Variants in C8orf34 observed in about 807,000 individuals in gnomAD.
The protein encoded by C8orf34 is uncharacterized protein C8orf34.
Under a neutral mutation model 68.3 loss-of-function variants are expected in C8orf34, and 65 were observed. The observed-to-expected ratio is 0.95, with a 90% CI of 0.78 to 1.17. The LOEUF (loss-of-function observed/expected upper bound fraction) is 1.17. Ranked by LOEUF, C8orf34 falls within the 50% of genes most tolerant of loss-of-function variation. C8orf34 has a pLI of 0.00. For missense variants in C8orf34, 664 were observed against 655.4 expected, an observed-to-expected ratio of 1.01 and a Z score of -0.14; for synonymous variants, 244 against 241.2, an observed-to-expected ratio of 1.01 and a Z score of -0.11.
chr8:68,479,003 A>G (rs1414562745), intron 4 of C8orf34, among the ~76,000 whole-genome samples: 5 of 152,140 alleles, frequency 3.3e-5, no homozygotes, highest in Non-Finnish European at 7.4e-5. Context: ...CTGGGGGCTT[A>G]TTTTATTTTT....
At chr8:68,697,967 C>A (rs1192353124) in intron 8 of C8orf34, among the ~76,000 whole-genome samples, 1 of 152,056 alleles carries the variant, frequency 6.6e-6, no homozygotes, top group Non-Finnish European at 1.5e-5. Context: ...ACGGGAATCT[C>A]AGATTTTTCC....
intron 7 of C8orf34, among the ~76,000 whole-genome samples, chr8:68,619,337 T>G (rs926150560): frequency 5.9e-5 from 9 of 152,010 alleles, no homozygotes; most frequent in Non-Finnish European, 1.0e-4. Context: ...TAAATAAAAA[T>G]AAATACATAA....
At chr8:68,696,312 C>T (rs1444460250) in intron 8 of C8orf34, among the ~76,000 whole-genome samples, 1 of 147,088 alleles carries the variant, frequency 6.8e-6, no homozygotes, top group East Asian at 2.0e-4. Context: ...ATATATATAT[C>T]ATACAATCAA....
intron 8 of C8orf34, among the ~76,000 whole-genome samples, chr8:68,676,970 G>C (rs1156669573): frequency 1.3e-5 from 2 of 152,110 alleles, no homozygotes; most frequent in African/African-American, 4.8e-5. Flanking sequence ...AAGAGCACGG[G>C]AAAGACCCAC....
chr8:68,724,861 T>C (rs969584864), intron 10 of C8orf34, among the ~76,000 whole-genome samples: 1 of 152,164 alleles, frequency 6.6e-6, no homozygotes, highest in Non-Finnish European at 1.5e-5. Context: ...TATGGCTTTC[T>C]TATTTTTTTT....
At chr8:68,796,594 C>A (rs1279385456) in intron 12 of C8orf34, among the ~76,000 whole-genome samples, 1 of 152,092 alleles carries the variant, frequency 6.6e-6, no homozygotes, top group Non-Finnish European at 1.5e-5. Flanking sequence ...GATATAACAA[C>A]AGCTTTTCAA....
chr8:68,418,827 A>C (rs1488077254), intron 1 of C8orf34, among the ~76,000 whole-genome samples: 2 of 152,106 alleles, frequency 1.3e-5, no homozygotes, highest in Non-Finnish European at 2.9e-5. Flanking sequence ...TACAAAAATC[A>C]GTTCAAGATG....
intron 1 of C8orf34, among the ~76,000 whole-genome samples, chr8:68,421,841 A>G (rs1809988884): frequency 6.6e-6 from 1 of 152,210 alleles, no homozygotes; most frequent in East Asian, 1.9e-4. Flanking sequence ...GCCTGCATGG[A>G]TGGGGAGTCC....
At chr8:68,563,828 C>T (rs1816505318) in intron 7 of C8orf34, among the ~76,000 whole-genome samples, 1 of 152,028 alleles carries the variant, frequency 6.6e-6, no homozygotes, top group African/African-American at 2.4e-5. Context: ...AGTGACATAA[C>T]AGAAGCATGT....
At chr8:68,397,244 T>G (rs1427735209) in intron 1 of C8orf34, among the ~76,000 whole-genome samples, 1 of 152,048 alleles carries the variant, frequency 6.6e-6, no homozygotes, top group Non-Finnish European at 1.5e-5. Context: ...CCTCAGGTGA[T>G]CCACCCCTCT....
intron 1 of C8orf34, among the ~76,000 whole-genome samples, chr8:68,433,380 A>T (rs1401868643): frequency 6.6e-6 from 1 of 152,172 alleles, no homozygotes; most frequent in Non-Finnish European, 1.5e-5. Context: ...CTCCATCATT[A>T]ATAGAGTACA....
intron 10 of C8orf34, among the ~76,000 whole-genome samples, chr8:68,725,965 G>C (rs12234907): frequency 0.29 from 44,320 of 151,870 alleles, 6,481 homozygotes; most frequent in Admixed American, 0.37. Context: ...CTGGAGTGCA[G>C]TGGTGTGATC....
intron 7 of C8orf34, among the ~76,000 whole-genome samples, chr8:68,620,263 GACTT>G (rs1818348919): frequency 1.3e-5 from 2 of 152,178 alleles, no homozygotes; most frequent in African/African-American, 4.8e-5. Context: ...TAATGGGACT[GACTT>G]AATGAGGCGC....
At chr8:68,418,086 C>G (rs1039677917) in intron 1 of C8orf34, among the ~76,000 whole-genome samples, 1 of 146,938 alleles carries the variant, frequency 6.8e-6, no homozygotes, top group African/African-American at 2.6e-5. Flanking sequence ...CATGATTTGG[C>G]TCTTGGTTTG....
chr8:68,749,322 G>T (rs559371546), intron 10 of C8orf34, among the ~76,000 whole-genome samples: 4 of 152,070 alleles, frequency 2.6e-5, no homozygotes, highest in African/African-American at 9.6e-5. Context: ...CACCAGCATG[G>T]CACATGTATA....
In C8orf34 at chr8:68,377,238, T is replaced by TA. The variant is rs1350373320; in HGVS notation, c.327+45907dup. On this transcript the variant is annotated intron_variant, in intron 1 of 13. Transcript: ENST00000518698. ...AAAACCTGGTCTCTATAAAAAGAAA[T>TA]AAAAAAAATGAGCTGGATGTGGTGG... is the stretch of plus-strand genomic sequence containing the variant. Among the ~76,000 whole-genome samples the TA allele has an allele frequency of 4.0e-5, 6 of 151,280 alleles. No homozygotes were observed. The Middle Eastern group carries it at 0.01, about 257-fold the overall frequency.
intron 8 of C8orf34, among the ~76,000 whole-genome samples, chr8:68,666,635 G>A (rs1819850704): frequency 6.6e-6 from 1 of 152,136 alleles, no homozygotes; most frequent in Non-Finnish European, 1.5e-5. Context: ...AACTGAGTAG[G>A]AAATCATAAC....
chr8:68,492,357 G>A (rs1563483258), intron 5 of C8orf34, among the ~76,000 whole-genome samples: 1 of 152,052 alleles, frequency 6.6e-6, no homozygotes, highest in Non-Finnish European at 1.5e-5. Flanking sequence ...AGCCTCTTGA[G>A]TAGCTGGGAC....
chr8:68,747,916 C>T (rs1822560219), intron 10 of C8orf34, among the ~76,000 whole-genome samples: 1 of 152,080 alleles, frequency 6.6e-6, no homozygotes, highest in East Asian at 1.9e-4. Flanking sequence ...AAAAAAGAGC[C>T]CGCATCGCCA....
Sources: allele counts gnomAD v4.1 joint callset (sites outside exome capture counted in the v4.1 genomes callset), GRCh38; gene constraint gnomAD v4.1.1; transcripts MANE v1.5; gene names NCBI Gene and HGNC (gene_info 2026-07-23, HGNC 2026-07-21).